The following CCND3 variants were observed in gnomAD, a reference collection of about 807,000 sequenced individuals.
CCND3 encodes G1/S-specific cyclin-D3.
Under a neutral mutation model 28.7 loss-of-function variants are expected in CCND3, and 9 were observed. The observed-to-expected ratio is 0.31, with a 90% CI of 0.19 to 0.55. The LOEUF (loss-of-function observed/expected upper bound fraction) is 0.55, where lower values mean the gene tolerates loss of function less well. CCND3 is among the 20% of genes least tolerant of loss of function. The pLI, the probability that CCND3 is intolerant of heterozygous loss-of-function variation, is 0.93. For missense variants in CCND3, 315 were observed against 385.8 expected (o/e 0.82, Z 1.54); for synonymous variants, 164 against 163.9 (o/e 1.00, Z 0.00).
chr6:42,043,181 T>C (rs1019670218), intron 1 of CCND3, among the ~76,000 whole-genome samples: 1 of 152,084 alleles, frequency 6.6e-6, no homozygotes, highest in Non-Finnish European at 1.5e-5. Flanking sequence ...ACTGCTTGGG[T>C]CCAGGAGCTC....
chr6:42,032,645 C>T (rs1182824537), intron 1 of CCND3, among the ~76,000 whole-genome samples: 1 of 152,222 alleles, frequency 6.6e-6, no homozygotes, highest in Non-Finnish European at 1.5e-5. Flanking sequence ...CTTTGGTAGA[C>T]TTTATTCTTC....
chr6:42,008,154 G>A (rs565389498), intron 1 of CCND3, among the ~76,000 whole-genome samples: 40 of 152,246 alleles, frequency 2.6e-4, no homozygotes, highest in African/African-American at 9.4e-4. Flanking sequence ...GTCGAGGTGG[G>A]CAGATCACCT....
chr6:41,988,038 A>T (rs1762537513), intron 1 of CCND3, among the ~76,000 whole-genome samples: 1 of 151,930 alleles, frequency 6.6e-6, no homozygotes, highest in Non-Finnish European at 1.5e-5. Context: ...AAAACAGACC[A>T]GGCACGGTGG....
intron 1 of CCND3, among the ~76,000 whole-genome samples, chr6:42,046,402 C>T (rs4560643): frequency 0.23 from 35,282 of 152,046 alleles, 4,235 homozygotes; most frequent in South Asian, 0.38. Flanking sequence ...GGCCATCTTC[C>T]TTACTCATCT....
Position 41,941,089 on chromosome 6 carries a change from G to A in CCND3, c.198+363C>T. The A allele has an allele frequency of 6.4e-7, 1 of 1,551,224 alleles. No individual in the cohort carries two copies. Among genetic ancestry groups the A allele is most frequent in the East Asian group, 2.3e-5 (1 of 44,250 alleles). On this transcript the variant is annotated intron_variant, in intron 1 of 4. Coordinates refer to ENST00000372991, the MANE Select transcript of CCND3 (RefSeq NM_001760.5). The surrounding 1 kb of genome is among the most constrained non-coding windows in gnomAD (Gnocchi z 6.1). The stretch of plus-strand genomic sequence containing the variant: ...AGACACAGGAACCGGCTCCCGGGCG[G>A]GGGCGGCCGAGCCCAGGGTTTTCCA...
chr6:41,953,207 G>A (rs1776355815), intron 1 of CCND3, among the ~76,000 whole-genome samples: 1 of 151,104 alleles, frequency 6.6e-6, no homozygotes, highest in Non-Finnish European at 1.5e-5. Context: ...GGAGGTTGCA[G>A]TGAGCCGAGA....
intron 1 of CCND3, among the ~76,000 whole-genome samples, chr6:41,960,636 A>AC (rs889600297): frequency 1.3e-5 from 2 of 151,984 alleles, no homozygotes; most frequent in Non-Finnish European, 2.9e-5. Flanking sequence ...GTGCAAGGAG[A>AC]CCCCCAACCT....
upstream of CCND3, chr6:42,049,804 A>G (rs147034402): frequency 6.6e-6 from 1 of 152,358 alleles, no homozygotes; most frequent in East Asian, 1.9e-4. Flanking sequence ...GGGTTTCCCA[A>G]CATTACTCGC....
At chr6:42,023,182 C>T (rs967740431) in intron 1 of CCND3, among the ~76,000 whole-genome samples, 7 of 152,190 alleles carry the variant, frequency 4.6e-5, no homozygotes, top group Non-Finnish European at 8.8e-5. Flanking sequence ...TTTCAGCTCT[C>T]GTAATGTAAA....
chr6:41,936,408 C>G lies in CCND3; in HGVS notation c.711+151G>C, dbSNP rs1775796287. 5.4e-6 allele frequency: 5 copies of G among 928,044 alleles called. No individual in the cohort carries two copies. Among genetic ancestry groups the G allele is most frequent in the Non-Finnish European group, 8.2e-6 (5 of 612,866 alleles). 57.5% of individuals were successfully genotyped at this position (928,044 alleles called of 1,614,324 possible). ...CCAAGATACTTGCTCTTCCCCAGAC[C>G]AAGGCAGGAGATAAAAAGCCACAAA... On this transcript the variant is annotated intron_variant, in intron 4 of 4. Coordinates refer to ENST00000372991, the MANE Select transcript of CCND3 (RefSeq NM_001760.5). The surrounding 1 kb of genome is among the most constrained non-coding windows in gnomAD (Gnocchi z 4.4).
chr6:41,973,121 A>C (rs1762079761), intron 1 of CCND3, among the ~76,000 whole-genome samples: 1 of 152,152 alleles, frequency 6.6e-6, no homozygotes, highest in African/African-American at 2.4e-5. Context: ...GTTATTTCTG[A>C]AATGCATCCC....
intron 1 of CCND3, chr6:41,940,973 C>G: frequency 6.2e-7 from 1 of 1,612,938 alleles, no homozygotes; most frequent in Non-Finnish European, 8.5e-7. Context: ...GGAGGAGGCT[C>G]CTGCCGCTGC....
intron 1 of CCND3, among the ~76,000 whole-genome samples, chr6:41,985,100 T>C (rs1481388703): frequency 6.6e-6 from 1 of 152,124 alleles, no homozygotes; most frequent in Non-Finnish European, 1.5e-5. Context: ...ATTCTGTAGG[T>C]TGTCTCTTCA....
intron 1 of CCND3, among the ~76,000 whole-genome samples, chr6:42,045,413 A>C (rs1480593325): frequency 6.6e-6 from 1 of 152,174 alleles, no homozygotes; most frequent in African/African-American, 2.4e-5. Context: ...TTTACTACCT[A>C]GAGTTGTGGT....
intron 1 of CCND3, among the ~76,000 whole-genome samples, chr6:41,985,132 C>T (rs1332595087): frequency 6.6e-6 from 1 of 151,900 alleles, no homozygotes; most frequent in Non-Finnish European, 1.5e-5. Context: ...GTTTTCTTTG[C>T]TATACAGAGT....
intron 1 of CCND3, among the ~76,000 whole-genome samples, chr6:42,029,708 A>C (rs1763988929): frequency 6.6e-6 from 1 of 152,158 alleles, no homozygotes; most frequent in Admixed American, 6.5e-5. Context: ...ATGATGGTGC[A>C]TGCCTGTAAT....
chr6:41,945,332 G>A (rs1389711835), upstream of CCND3, among the ~76,000 whole-genome samples: 1 of 152,156 alleles, frequency 6.6e-6, no homozygotes, highest in Non-Finnish European at 1.5e-5. Context: ...TGGCCAACAT[G>A]GTAAAACCTT....
At chr6:41,951,772 T>C (rs1776325446) in intron 1 of CCND3, among the ~76,000 whole-genome samples, 1 of 151,806 alleles carries the variant, frequency 6.6e-6, no homozygotes, top group Non-Finnish European at 1.5e-5. Context: ...TTTTTTTTAT[T>C]TTCTGAGACA....
intron 1 of CCND3, among the ~76,000 whole-genome samples, chr6:42,031,853 G>T (rs571283454): frequency 6.9e-6 from 1 of 145,890 alleles, no homozygotes; most frequent in African/African-American, 2.6e-5. Context: ...GCAACGGCGC[G>T]ATCTCAGCTC....
Sources: allele counts gnomAD v4.1 joint callset (sites outside exome capture counted in the v4.1 genomes callset), GRCh38; gene constraint gnomAD v4.1.1; non-coding constraint Gnocchi (gnomAD v3.1); transcripts MANE v1.5; gene names NCBI Gene and HGNC (gene_info 2026-07-23, HGNC 2026-07-21).